Variants in ACVR2A observed in about 807,000 individuals in gnomAD.
The protein encoded by ACVR2A is activin A receptor type 2A.
In ACVR2A, 7 loss-of-function variants were observed where a neutral mutation model predicts 61.4. The observed-to-expected ratio is 0.11, with a 90% CI of 0.06 to 0.21. The LOEUF is 0.21. Ranked by LOEUF, ACVR2A falls within the 10% of genes least tolerant of loss-of-function variation. The pLI is 1.00. For synonymous variants in ACVR2A, 193 were observed against 208.3 expected (o/e 0.93, Z 0.63); for missense variants, 322 against 621.7 (o/e 0.52, Z 5.13).
chr2:147,908,229 A>G (rs1313337644), intron 4 of ACVR2A, among the ~76,000 whole-genome samples: 1 of 152,136 alleles, frequency 6.6e-6, no homozygotes, highest in East Asian at 1.9e-4. Flanking sequence ...CACTTGCAGA[A>G]TACAGATATG....
chr2:147,909,672 C>G (rs1453740378), intron 4 of ACVR2A, among the ~76,000 whole-genome samples: 1 of 152,114 alleles, frequency 6.6e-6, no homozygotes, highest in Non-Finnish European at 1.5e-5. Flanking sequence ...AGGTATCACT[C>G]TGTCACCCAG....
chr2:147,869,102 T>C (rs1433358351), intron 1 of ACVR2A, among the ~76,000 whole-genome samples: 4 of 152,232 alleles, frequency 2.6e-5, no homozygotes, highest in Non-Finnish European at 5.9e-5. Context: ...TTGTTTTCTC[T>C]CAGAGATAAT....
chr2:147,898,270 A>AT (rs909148881), intron 2 of ACVR2A: 2 of 152,192 alleles, frequency 1.3e-5, no homozygotes, highest in Admixed American at 6.5e-5. Flanking sequence ...GGAAAAGAAG[A>AT]TTCAAGAATT....
At chr2:147,923,140 A>T in intron 9 of ACVR2A, 29 bp downstream of exon 9, 1 of 1,594,512 alleles carries the variant, frequency 6.3e-7, no homozygotes, top group Non-Finnish European at 8.5e-7. Flanking sequence ...TTTAAAAAAG[A>T]TATATATGCC....
chr2:147,867,550 G>GGA (rs1685894387), intron 1 of ACVR2A, among the ~76,000 whole-genome samples: 1 of 151,646 alleles, frequency 6.6e-6, no homozygotes, highest in Admixed American at 6.6e-5. Context: ...TCTCGTATCT[G>GGA]GACTCTTTAA....
chr2:147,902,156 G>A (rs1334843698), intron 4 of ACVR2A, among the ~76,000 whole-genome samples: 1 of 151,716 alleles, frequency 6.6e-6, no homozygotes, highest in Admixed American at 6.6e-5. Flanking sequence ...ACAAATTTTG[G>A]GACCACACTC....
chr2:147,895,600 G>T (rs776224689), intron 1 of ACVR2A, among the ~76,000 whole-genome samples: 1 of 152,110 alleles, frequency 6.6e-6, no homozygotes, highest in Non-Finnish European at 1.5e-5. Flanking sequence ...CATAGATTGA[G>T]GTCTGCCGTT....
intron 4 of ACVR2A, among the ~76,000 whole-genome samples, chr2:147,901,832 T>C (rs964811562): frequency 1.3e-5 from 2 of 152,050 alleles, no homozygotes; most frequent in African/African-American, 2.4e-5. Flanking sequence ...ACTTTTGTCA[T>C]CTTTTGCAGT....
chr2:147,924,918 T>C (rs1687467193), intron 9 of ACVR2A, among the ~76,000 whole-genome samples: 1 of 152,012 alleles, frequency 6.6e-6, no homozygotes, highest in East Asian at 1.9e-4. Flanking sequence ...GTCGGTACTT[T>C]GTCACTGGAA....
At chr2:147,905,407 G>C (rs1158817014) in intron 4 of ACVR2A, among the ~76,000 whole-genome samples, 1 of 151,840 alleles carries the variant, frequency 6.6e-6, no homozygotes, top group Non-Finnish European at 1.5e-5. Flanking sequence ...GTATATTTAA[G>C]GTGTACAATG....
At chr2:147,891,954 CTTTTTTTTG>C (rs1210780651) in intron 1 of ACVR2A, among the ~76,000 whole-genome samples, 2 of 146,636 alleles carry the variant, frequency 1.4e-5, no homozygotes, top group Non-Finnish European at 3.1e-5. Flanking sequence ...AGCAGCCCTT[CTTTTTTTTG>C]TTTTTTTTGT....
chr2:147,900,175 T>C (rs1360147882), intron 4 of ACVR2A, among the ~76,000 whole-genome samples: 1 of 152,106 alleles, frequency 6.6e-6, no homozygotes, highest in Non-Finnish European at 1.5e-5. Flanking sequence ...AACACTAACC[T>C]GCTTTGCTTC....
chr2:147,911,110 C>T (rs1231410801), intron 4 of ACVR2A, among the ~76,000 whole-genome samples: 1 of 152,042 alleles, frequency 6.6e-6, no homozygotes, highest in Non-Finnish European at 1.5e-5. Flanking sequence ...GCTGCTAGCT[C>T]GTTTTTGCTA....
chr2:147,854,354 T>G (rs1289817486), intron 1 of ACVR2A, among the ~76,000 whole-genome samples: 1 of 152,220 alleles, frequency 6.6e-6, no homozygotes, highest in Non-Finnish European at 1.5e-5. Context: ...CTTGGACAAC[T>G]TCTCTTAAAC....
At chr2:147,872,281 A>T (rs1302928080) in intron 1 of ACVR2A, among the ~76,000 whole-genome samples, 1 of 152,028 alleles carries the variant, frequency 6.6e-6, no homozygotes, top group African/African-American at 2.4e-5. Context: ...AAAGCTTATT[A>T]TGTCTTAATG....
chr2:147,892,184 C>G (rs528455540), intron 1 of ACVR2A, among the ~76,000 whole-genome samples: 1 of 152,122 alleles, frequency 6.6e-6, no homozygotes, highest in South Asian at 2.1e-4. Flanking sequence ...GTTGGCCAGG[C>G]TGGTCTCAAA....
chr2:147,846,166 A>G (rs1346282017), intron 1 of ACVR2A, among the ~76,000 whole-genome samples: 1 of 152,204 alleles, frequency 6.6e-6, no homozygotes, highest in Non-Finnish European at 1.5e-5. Context: ...GTGCAGATGT[A>G]CATAACAGGA....
At chr2:147,916,038 C>T (rs1334810741) in intron 5 of ACVR2A, among the ~76,000 whole-genome samples, 2 of 151,880 alleles carry the variant, frequency 1.3e-5, no homozygotes, top group African/African-American at 2.4e-5. Flanking sequence ...GTTGCAGGCT[C>T]TACCACCATA....
intron 4 of ACVR2A, among the ~76,000 whole-genome samples, chr2:147,914,030 A>G (rs1288504297): frequency 6.6e-6 from 1 of 151,870 alleles, no homozygotes; most frequent in Non-Finnish European, 1.5e-5. Context: ...GTAAACTTTT[A>G]AAACTCCTGA....
Sources: allele counts gnomAD v4.1 joint callset (sites outside exome capture counted in the v4.1 genomes callset), GRCh38; gene constraint gnomAD v4.1.1; transcripts MANE v1.5; gene names NCBI Gene and HGNC (gene_info 2026-07-23, HGNC 2026-07-21).